The following SEL1L2 variants were observed in gnomAD, a reference collection of about 807,000 sequenced individuals.
SEL1L2 encodes the protein protein sel-1 homolog 2.
A neutral mutation model predicts 98.8 loss-of-function variants in SEL1L2; 89 were observed. The observed-to-expected ratio is 0.90, with a 90% confidence interval of 0.76 to 1.07. The LOEUF is 1.07. Among genes scored for constraint, SEL1L2 ranks in the 50% least tolerant of loss-of-function variants. The probability of loss-of-function intolerance (pLI) is 0.00; values close to 1 mark genes in which losing one functional copy is unlikely to be tolerated. For missense variants in SEL1L2, 788 were observed against 812.0 expected (o/e 0.97, Z 0.36); for synonymous variants, 262 against 278.5 (o/e 0.94, Z 0.59).
At chr20:13,918,939 T>C in intron 4 of SEL1L2, 82 bp downstream of exon 4, 1 of 913,090 alleles carries the variant, frequency 1.1e-6, no homozygotes. Context: ...CAATGAGTTT[T>C]AATGATAAAC....
intron 2 of SEL1L2, among the ~76,000 whole-genome samples, chr20:13,933,895 T>A (rs1045177490): frequency 2.6e-5 from 4 of 151,962 alleles, no homozygotes; most frequent in African/African-American, 7.2e-5. Context: ...TTTCTTTTTT[T>A]AAATTTTAAA....
chr20:13,900,384 G>A (rs1036285549), intron 5 of SEL1L2, among the ~76,000 whole-genome samples: 2 of 151,884 alleles, frequency 1.3e-5, no homozygotes, highest in Non-Finnish European at 2.9e-5. Flanking sequence ...GTGATAGACT[G>A]GTCATGTAAC....
chr20:13,944,140 G>A lies in SEL1L2; in HGVS notation c.114+11936C>T, dbSNP rs145329195. 3.1e-3 allele frequency among the ~76,000 whole-genome samples: 472 copies of A among 152,290 alleles called. 3 individuals are homozygous for A. The highest frequency in any genetic ancestry group is 0.01 in the African/African-American group (431 of 41,570). On this transcript the variant is annotated intron_variant, in intron 2 of 19. Transcript: ENST00000284951. The stretch of plus-strand genomic sequence containing the variant: ...TTACTATCAGTACAAAGGCCCTGAG[G>A]TAGACAGACTTGGGTACTCCAGAGA...
At chr20:13,871,677 G>GA (rs113117699) in intron 12 of SEL1L2, among the ~76,000 whole-genome samples, 150,401 of 152,200 alleles carry the variant, frequency 0.99, 74,313 homozygotes, top group East Asian at 1. Context: ...ATGCCCAGCT[G>GA]TTTTTCGTAT....
chr20:13,993,343 G>T (rs1455577682), upstream of SEL1L2, among the ~76,000 whole-genome samples: 1 of 152,206 alleles, frequency 6.6e-6, no homozygotes, highest in Admixed American at 6.5e-5. Flanking sequence ...CAACTAAACG[G>T]GTAATGGAGC....
chr20:13,994,295 C>CAA (rs10557935), upstream of SEL1L2, among the ~76,000 whole-genome samples: 95 of 70,726 alleles, frequency 1.3e-3, no homozygotes, highest in Middle Eastern at 0.019. Flanking sequence ...AACTCTGCCT[C>CAA]AAAAAAAAAA....
chr20:13,932,438 A>T (rs200501227), intron 2 of SEL1L2, among the ~76,000 whole-genome samples: 2,383 of 87,264 alleles, frequency 0.027, 30 homozygotes, highest in Non-Finnish European at 0.048. Flanking sequence ...TATTATTATT[A>T]TTATTATTTT....
intron 17 of SEL1L2, among the ~76,000 whole-genome samples, chr20:13,864,047 T>C (rs1025090839): frequency 2.6e-5 from 4 of 152,122 alleles, no homozygotes; most frequent in African/African-American, 9.7e-5. Flanking sequence ...TCAATGTCTC[T>C]TTTCCTTGCT....
chr20:13,890,389 T>C (rs896058355), intron 5 of SEL1L2, among the ~76,000 whole-genome samples: 4 of 151,090 alleles, frequency 2.6e-5, no homozygotes, highest in Admixed American at 1.3e-4. Context: ...TATAAACTCC[T>C]GGAAGAAAAA....
At chr20:13,881,361 G>C (rs555944559) in intron 10 of SEL1L2, among the ~76,000 whole-genome samples, 1 of 152,146 alleles carries the variant, frequency 6.6e-6, no homozygotes, top group African/African-American at 2.4e-5. Context: ...AGAAAAGATG[G>C]TATTAGCTCT....
chr20:13,948,234 C>CTT (rs36040998), intron 2 of SEL1L2, among the ~76,000 whole-genome samples: 5,802 of 149,104 alleles, frequency 0.039, 344 homozygotes, highest in African/African-American at 0.13. Context: ...ATCCCAATGG[C>CTT]TTTTTTTTTT....
chr20:13,914,836 A>G (rs1297011777), intron 4 of SEL1L2, among the ~76,000 whole-genome samples: 3 of 152,194 alleles, frequency 2.0e-5, no homozygotes, highest in African/African-American at 7.2e-5. Context: ...TTAGTGATTA[A>G]AATGATAGGT....
At chr20:13,862,166 CT>C (rs1316282956) in intron 17 of SEL1L2, among the ~76,000 whole-genome samples, 1 of 152,170 alleles carries the variant, frequency 6.6e-6, no homozygotes, top group Non-Finnish European at 1.5e-5. Flanking sequence ...TGCAAGGAAA[CT>C]TTTTAGATAA....
chr20:13,971,053 C>T (rs1039458250), intron 1 of SEL1L2, among the ~76,000 whole-genome samples: 1 of 151,156 alleles, frequency 6.6e-6, no homozygotes, highest in Admixed American at 6.6e-5. Flanking sequence ...ACCATCTTTT[C>T]ACATTTGGGA....
chr20:13,900,712 C>A (rs2047633353), intron 5 of SEL1L2, among the ~76,000 whole-genome samples: 1 of 152,222 alleles, frequency 6.6e-6, no homozygotes, highest in South Asian at 2.1e-4. Flanking sequence ...CAGCCCAAGA[C>A]ATGCTCGGTT....
chr20:13,919,995 G>C (rs185351570), intron 3 of SEL1L2, among the ~76,000 whole-genome samples: 1 of 151,264 alleles, frequency 6.6e-6, no homozygotes, highest in Admixed American at 6.6e-5. Context: ...TTGGAAGGCC[G>C]AGGCAGGCGG....
chr20:13,900,273 A>C (rs980819852), intron 5 of SEL1L2, among the ~76,000 whole-genome samples: 1 of 152,230 alleles, frequency 6.6e-6, no homozygotes, highest in African/African-American at 2.4e-5. Context: ...TATTCACATA[A>C]AGTTGAATAT....
intron 1 of SEL1L2, among the ~76,000 whole-genome samples, chr20:13,966,395 T>G (rs1470227738): frequency 6.6e-6 from 1 of 152,156 alleles, no homozygotes; most frequent in Non-Finnish European, 1.5e-5. Context: ...CTCAGCTCAC[T>G]GCAACCTCTG....
At chr20:13,950,772 C>T (rs1304250812) in intron 2 of SEL1L2, among the ~76,000 whole-genome samples, 1 of 152,162 alleles carries the variant, frequency 6.6e-6, no homozygotes, top group African/African-American at 2.4e-5. Flanking sequence ...ATCTTCATCT[C>T]TTACTACTTT....
Sources: allele counts gnomAD v4.1 joint callset (sites outside exome capture counted in the v4.1 genomes callset), GRCh38; gene constraint gnomAD v4.1.1; transcripts MANE v1.5; gene names NCBI Gene and HGNC (gene_info 2026-07-23, HGNC 2026-07-21).